PDE11A: variants seen among roughly 807,000 people sequenced by gnomAD.
PDE11A encodes phosphodiesterase 11A.
Under a neutral mutation model 100.5 loss-of-function variants are expected in PDE11A, and 100 were observed. The observed-to-expected ratio is 1.00, with a 90% confidence interval of 0.85 to 1.18. The LOEUF (loss-of-function observed/expected upper bound fraction) is 1.18. Ranked by LOEUF, PDE11A falls within the 50% of genes most tolerant of loss-of-function variation. PDE11A has a pLI of 0.00. For synonymous variants in PDE11A, 381 were observed against 420.8 expected, an observed-to-expected ratio of 0.91 and a Z score of 1.16; for missense variants, 1,141 against 1,152.6, an observed-to-expected ratio of 0.99 and a Z score of 0.15.
intron 2 of PDE11A, among the ~76,000 whole-genome samples, chr2:177,996,937 A>G (rs1487598312): frequency 7.2e-5 from 11 of 152,240 alleles, no homozygotes; most frequent in Non-Finnish European, 1.3e-4. Flanking sequence ...AAGATTCACA[A>G]TTTGAAGTCT....
chr2:177,663,161 C>T (rs1356562988), intron 19 of PDE11A, among the ~76,000 whole-genome samples: 1 of 150,634 alleles, frequency 6.6e-6, no homozygotes, highest in Non-Finnish European at 1.5e-5. Flanking sequence ...CTGATGCCAG[C>T]CCTGATCCGC....
chr2:177,763,737 G>A (rs1392025069), intron 10 of PDE11A, among the ~76,000 whole-genome samples: 8 of 152,236 alleles, frequency 5.3e-5, no homozygotes, highest in Non-Finnish European at 8.8e-5. Flanking sequence ...TCTGCATAGT[G>A]CACTCCGCCT....
chr2:177,846,536 C>T (rs2083604849), intron 5 of PDE11A, among the ~76,000 whole-genome samples: 1 of 152,164 alleles, frequency 6.6e-6, no homozygotes, highest in African/African-American at 2.4e-5. Context: ...CATCACCTCC[C>T]CCTGATTTAT....
intron 2 of PDE11A, chr2:177,997,954 A>C (rs1480571248): frequency 2.5e-6 from 3 of 1,206,704 alleles, no homozygotes; most frequent in Non-Finnish European, 3.7e-6. Flanking sequence ...TGCGGTAGTC[A>C]AGATACCAAG....
intron 19 of PDE11A, among the ~76,000 whole-genome samples, chr2:177,651,281 A>G (rs1328251353): frequency 6.6e-6 from 1 of 152,238 alleles, no homozygotes; most frequent in Non-Finnish European, 1.5e-5. Context: ...TAATGATAAC[A>G]ATAGTGACTC....
chr2:177,690,159 C>A (rs999261977), intron 15 of PDE11A, among the ~76,000 whole-genome samples: 2 of 151,736 alleles, frequency 1.3e-5, no homozygotes, highest in African/African-American at 4.9e-5. Context: ...TGGAAAAATT[C>A]TTTGAAATAT....
At chr2:177,680,805 T>G in intron 16 of PDE11A, 21 bp downstream of exon 16, 1 of 1,373,228 alleles carries the variant, frequency 7.3e-7, no homozygotes, top group Non-Finnish European at 1.0e-6. Context: ...AAGAAACACA[T>G]AAACAAGAGC....
intron 9 of PDE11A, among the ~76,000 whole-genome samples, chr2:177,813,672 C>T (rs2082987306): frequency 6.6e-6 from 1 of 152,074 alleles, no homozygotes; most frequent in Admixed American, 6.6e-5. Context: ...GTGGTGCTGT[C>T]TCTTGAGTCT....
chr2:177,851,345 T>C (rs370847489), intron 5 of PDE11A, among the ~76,000 whole-genome samples: 1 of 151,714 alleles, frequency 6.6e-6, no homozygotes, highest in Non-Finnish European at 1.5e-5. Context: ...ATGAGAACAC[T>C]TGGACACAGG....
intron 17 of PDE11A, among the ~76,000 whole-genome samples, chr2:177,674,294 G>T (rs1271015913): frequency 6.6e-6 from 1 of 152,162 alleles, no homozygotes; most frequent in Non-Finnish European, 1.5e-5. Flanking sequence ...AAAGTTAGTG[G>T]CCAAAACGAC....
At position 177,843,959 on chromosome 2, in the gene PDE11A, A is replaced by C. The variant is rs553094193; in HGVS notation, c.1368-3576T>G. ...CAGAGAGGAGGTGAGATTCAAACTGACCTATATAGGTCAGTGCAACAGTGC... is the reference window on the plus strand; with the variant it reads ...CAGAGAGGAGGTGAGATTCAAACTGCCCTATATAGGTCAGTGCAACAGTGC... On this transcript the variant is annotated intron_variant, in intron 5 of 19. Coordinates refer to ENST00000286063, the MANE Select transcript of PDE11A (RefSeq NM_016953.4). Among the ~76,000 whole-genome samples the C allele has an allele frequency of 1.3e-4, 20 of 152,186 alleles. No homozygotes were observed. In the East Asian group the frequency reaches 3.7e-3, roughly 28 times the overall value.
chr2:177,803,429 G>A (rs966313420), intron 9 of PDE11A, among the ~76,000 whole-genome samples: 3 of 151,832 alleles, frequency 2.0e-5, no homozygotes, highest in Non-Finnish European at 2.9e-5. Context: ...AATCAAAGAG[G>A]GAATTCTTCC....
chr2:177,713,996 T>TC (rs1291838170), intron 12 of PDE11A, among the ~76,000 whole-genome samples: 18 of 119,126 alleles, frequency 1.5e-4, no homozygotes, highest in African/African-American at 4.3e-4. Context: ...TCTTTTTTTT[T>TC]TTTTTTTTTT....
At chr2:177,767,760 T>G (rs1318846247) in intron 10 of PDE11A, among the ~76,000 whole-genome samples, 1 of 152,346 alleles carries the variant, frequency 6.6e-6, no homozygotes, top group Admixed American at 6.5e-5. Flanking sequence ...TATTTATTCA[T>G]TCACTTTTCC....
At chr2:177,747,593 T>C (rs1030643475) in intron 10 of PDE11A, among the ~76,000 whole-genome samples, 1 of 152,212 alleles carries the variant, frequency 6.6e-6, no homozygotes, top group African/African-American at 2.4e-5. Context: ...TTTAAAAGCT[T>C]AGAGATGTTG....
At chr2:177,717,865 A>C (rs560575113) in intron 12 of PDE11A, among the ~76,000 whole-genome samples, 1 of 152,314 alleles carries the variant, frequency 6.6e-6, no homozygotes, top group East Asian at 1.9e-4. Context: ...CCAATGTAAA[A>C]TTTAAATCAG....
chr2:177,680,647 A>G (rs1486398915), intron 16 of PDE11A, among the ~76,000 whole-genome samples, 179 bp downstream of exon 16: 1 of 152,204 alleles, frequency 6.6e-6, no homozygotes, highest in Non-Finnish European at 1.5e-5. Context: ...ATAAATTATA[A>G]GATGAAAAGA....
At chr2:177,904,986 G>C in intron 3 of PDE11A, 112 bp downstream of exon 3, 1 of 730,890 alleles carries the variant, frequency 1.4e-6, no homozygotes, top group Non-Finnish European at 2.5e-6. Flanking sequence ...AAATAAAAAA[G>C]ATTCCTGTAC....
chr2:178,006,967 A>G (rs2086220448), intron 2 of PDE11A, among the ~76,000 whole-genome samples: 1 of 152,180 alleles, frequency 6.6e-6, no homozygotes, highest in Non-Finnish European at 1.5e-5. Flanking sequence ...AGAAGAGTGA[A>G]TGAGAAAGAC....
Sources: gnomAD v4.1 joint callset for allele counts (sites outside exome capture counted in the v4.1 genomes callset) on GRCh38, gnomAD v4.1.1 for gene constraint, MANE v1.5 for transcripts, NCBI Gene and HGNC (gene_info 2026-07-23, HGNC 2026-07-21) for gene names.